Variants in RBFOX1 observed in about 807,000 individuals in gnomAD.
RBFOX1 encodes the protein RNA binding fox-1 homolog 1, also known as RNA binding protein fox-1 homolog 1.
RBFOX1 carries 8 observed loss-of-function variants against 57.7 expected under a neutral mutation model. That is an observed-to-expected ratio of 0.14 (90% CI 0.08 to 0.25). RBFOX1 has a LOEUF of 0.25. RBFOX1 is among the 10% of genes least tolerant of loss of function. The pLI is 1.00. For missense variants in RBFOX1, 611 were observed against 548.5 expected (o/e 1.11, Z -1.14); for synonymous variants, 326 against 222.4 (o/e 1.47, Z -4.15).
At chr16:5,790,915 C>T (rs1436250253) in intron 3 of RBFOX1, among the ~76,000 whole-genome samples, 6 of 147,634 alleles carry the variant, frequency 4.1e-5, no homozygotes, top group Middle Eastern at 3.3e-3. Context: ...GTTGCTCAGG[C>T]TGGAGTGCAG....
chr16:7,102,838 G>A (rs967428191), intron 4 of RBFOX1, among the ~76,000 whole-genome samples: 2 of 152,078 alleles, frequency 1.3e-5, no homozygotes, highest in African/African-American at 4.8e-5. Context: ...AGAAAACACA[G>A]CCTAATTTCA....
At chr16:6,771,956 T>C (rs8051666) in intron 3 of RBFOX1, among the ~76,000 whole-genome samples, 93,121 of 151,770 alleles carry the variant, frequency 0.61, 28,901 homozygotes, top group East Asian at 0.69. Context: ...GTAGAATAGC[T>C]ATATAAGATC....
intron 4 of RBFOX1, among the ~76,000 whole-genome samples, chr16:7,299,018 G>C (rs1337565619): frequency 1.3e-5 from 2 of 152,304 alleles, no homozygotes; most frequent in East Asian, 1.9e-4. Context: ...TATGTATCAT[G>C]TATCTACCTC....
At chr16:7,227,589 C>T (rs935226575) in intron 4 of RBFOX1, among the ~76,000 whole-genome samples, 1 of 152,158 alleles carries the variant, frequency 6.6e-6, no homozygotes, top group Non-Finnish European at 1.5e-5. Context: ...AAATGCAAAG[C>T]CCGGATGCCA....
intron 5 of RBFOX1, among the ~76,000 whole-genome samples, chr16:7,558,876 T>C (rs901503601): frequency 6.6e-6 from 1 of 152,220 alleles, no homozygotes; most frequent in Non-Finnish European, 1.5e-5. Context: ...ATCTGAAAAA[T>C]GTAGATGGGA....
intron 2 of RBFOX1, among the ~76,000 whole-genome samples, chr16:5,510,764 C>A (rs2043555420): frequency 6.6e-6 from 1 of 152,078 alleles, no homozygotes; most frequent in African/African-American, 2.4e-5. Flanking sequence ...CACCTTGGGC[C>A]ACATAATTCA....
At chr16:7,257,719 G>C (rs562613114) in intron 4 of RBFOX1, among the ~76,000 whole-genome samples, 21 of 152,274 alleles carry the variant, frequency 1.4e-4, no homozygotes, top group African/African-American at 4.6e-4. Flanking sequence ...CCCTTGCTCT[G>C]TTCTGCATAG....
At chr16:7,034,919 G>T (rs958925732) in intron 3 of RBFOX1, among the ~76,000 whole-genome samples, 1 of 134,332 alleles carries the variant, frequency 7.4e-6, no homozygotes, top group African/African-American at 2.9e-5. Context: ...CGTGATCTCT[G>T]TTCACTGCAA....
rs554152845 is a variant in RBFOX1, at chr16:6,498,401, C to A, written c.-63-156202C>A. 1.1e-4 allele frequency among the ~76,000 whole-genome samples: 16 copies of A among 152,012 alleles called. No homozygotes were observed. The East Asian group carries it at 2.7e-3, about 26-fold the overall frequency. On this transcript the variant is annotated intron_variant, in intron 2 of 15. Coordinates refer to ENST00000550418, the MANE Select transcript of RBFOX1 (RefSeq NM_018723.4). ...TCATTGTATTTCGTTAATAGAGGAACAATAATCAGGCTATCTGAAAGAGAA... is the reference window on the plus strand; with the variant it reads ...TCATTGTATTTCGTTAATAGAGGAAAAATAATCAGGCTATCTGAAAGAGAA...
intron 1 of RBFOX1, among the ~76,000 whole-genome samples, chr16:6,309,900 T>C (rs1450090514): frequency 6.6e-6 from 1 of 152,216 alleles, no homozygotes; most frequent in Non-Finnish European, 1.5e-5. Context: ...ACTTTAGTAG[T>C]AGTAGTAGCA....
intron 1 of RBFOX1, among the ~76,000 whole-genome samples, chr16:5,454,969 TTC>T (rs1479654257): frequency 2.1e-4 from 16 of 77,214 alleles, no homozygotes; most frequent in Non-Finnish European, 3.5e-4. Flanking sequence ...CTTTCTTTCT[TTC>T]TTTCTTTCTT....
At chr16:7,049,911 G>T (rs1402195144) in intron 3 of RBFOX1, among the ~76,000 whole-genome samples, 1 of 152,118 alleles carries the variant, frequency 6.6e-6, no homozygotes, top group East Asian at 1.9e-4. Context: ...ACATTTTACT[G>T]GCATTTAAGT....
intron 1 of RBFOX1, among the ~76,000 whole-genome samples, chr16:6,183,666 A>T (rs921517630): frequency 1.3e-5 from 2 of 152,154 alleles, no homozygotes; most frequent in Non-Finnish European, 2.9e-5. Context: ...GGATGTCTAG[A>T]AGATCAGAAA....
chr16:6,661,779 G>C lies in RBFOX1; in HGVS notation c.-16+7129G>C, dbSNP rs983745465. On this transcript the variant is annotated intron_variant, in intron 3 of 15. Coordinates refer to ENST00000550418, the MANE Select transcript of RBFOX1 (RefSeq NM_018723.4). ...TGTGTGACAGAATGAACATGGGAATGCAACTGTCTCTTTGAAATGTTGATT... is the reference window on the plus strand; with the variant it reads ...TGTGTGACAGAATGAACATGGGAATCCAACTGTCTCTTTGAAATGTTGATT... Among the ~76,000 whole-genome samples, 8 of 152,226 alleles carry C rather than the reference G, an allele frequency of 5.3e-5. No individual in the cohort carries two copies. In the South Asian group the frequency reaches 6.2e-4, roughly 12 times the overall value.
At chr16:6,921,694 C>T (rs952521226) in intron 3 of RBFOX1, among the ~76,000 whole-genome samples, 34 of 149,882 alleles carry the variant, frequency 2.3e-4, no homozygotes, top group Non-Finnish European at 3.7e-4. Context: ...GTATGGCAGG[C>T]AGAGGTGATG....
chr16:5,442,007 G>A (rs980117800), intron 1 of RBFOX1, among the ~76,000 whole-genome samples: 10 of 152,160 alleles, frequency 6.6e-5, no homozygotes, highest in Non-Finnish European at 1.3e-4. Context: ...ATCCCTGAAT[G>A]TAGGAAACTC....
chr16:6,851,257 G>A (rs1443824497), intron 3 of RBFOX1, among the ~76,000 whole-genome samples: 1 of 152,168 alleles, frequency 6.6e-6, no homozygotes, highest in Non-Finnish European at 1.5e-5. Context: ...ATCAATGCGT[G>A]GTTGCCGGGG....
At chr16:5,931,811 G>A (rs2059064595) in intron 4 of RBFOX1, among the ~76,000 whole-genome samples, 3 of 152,116 alleles carry the variant, frequency 2.0e-5, no homozygotes. Flanking sequence ...TTACTGCTGT[G>A]ATTAGATTGT....
chr16:7,200,860 G>T (rs1300272636), intron 4 of RBFOX1, among the ~76,000 whole-genome samples: 2 of 152,160 alleles, frequency 1.3e-5, no homozygotes, highest in Non-Finnish European at 2.9e-5. Context: ...ATGACATTAT[G>T]TGACTTTGAG....
Sources: allele counts gnomAD v4.1 joint callset (sites outside exome capture counted in the v4.1 genomes callset), GRCh38; gene constraint gnomAD v4.1.1; transcripts MANE v1.5; gene names NCBI Gene and HGNC (gene_info 2026-07-23, HGNC 2026-07-21).